Variants in NOL10 observed in about 807,000 individuals in gnomAD.
The protein encoded by NOL10 is H_NH0074G24.1.
In NOL10, 58 loss-of-function variants were observed where a neutral mutation model predicts 103.5. That is an observed-to-expected ratio of 0.56 (90% CI 0.45 to 0.70). The LOEUF is 0.70. Ranked by LOEUF, NOL10 falls within the 30% of genes least tolerant of loss-of-function variation. The pLI, the probability that NOL10 is intolerant of heterozygous loss-of-function variation, is 0.00. For missense variants in NOL10, 763 were observed against 807.3 expected (o/e 0.95, Z 0.67); for synonymous variants, 287 against 282.5 (o/e 1.02, Z -0.16).
At chr2:10,668,264 G>A (rs909160166) in intron 7 of NOL10, among the ~76,000 whole-genome samples, 4 of 151,878 alleles carry the variant, frequency 2.6e-5, no homozygotes, top group African/African-American at 9.7e-5. Flanking sequence ...TATGATAAAA[G>A]GAAACCTTTA....
At chr2:10,602,333 T>A (rs1038370687) in intron 16 of NOL10, among the ~76,000 whole-genome samples, 1 of 152,248 alleles carries the variant, frequency 6.6e-6, no homozygotes, top group Non-Finnish European at 1.5e-5. Flanking sequence ...AAGTTAATCA[T>A]TCTTTACATT....
chr2:10,672,412 T>C (rs1681009823), intron 5 of NOL10, among the ~76,000 whole-genome samples: 1 of 152,206 alleles, frequency 6.6e-6, no homozygotes, highest in African/African-American at 2.4e-5. Context: ...TTGACTTTAG[T>C]GTACTAAAGG....
chr2:10,666,788 T>C (rs910009563), intron 8 of NOL10, among the ~76,000 whole-genome samples: 2 of 152,082 alleles, frequency 1.3e-5, no homozygotes, highest in African/African-American at 2.4e-5. Context: ...TGTACACATA[T>C]GCATATTGGC....
chr2:10,672,892 C>T (rs1319194167), intron 5 of NOL10, among the ~76,000 whole-genome samples: 1 of 151,950 alleles, frequency 6.6e-6, no homozygotes, highest in Non-Finnish European at 1.5e-5. Context: ...ACTCAGGAGG[C>T]AGAGGCAGGA....
chr2:10,609,758 T>C (rs983803929), intron 13 of NOL10, among the ~76,000 whole-genome samples: 11 of 152,168 alleles, frequency 7.2e-5, no homozygotes, highest in Non-Finnish European at 1.2e-4. Context: ...TATCAGATAA[T>C]GGTGTACTCC....
intron 10 of NOL10, among the ~76,000 whole-genome samples, chr2:10,658,300 T>C (rs764526): frequency 0.2 from 31,170 of 152,176 alleles, 4,199 homozygotes; most frequent in Non-Finnish European, 0.3. Context: ...GGCTATGACT[T>C]CTTGGGAGAA....
Position 10,589,024 on chromosome 2 carries a change from C to T in NOL10, c.1844+19G>A, listed in dbSNP as rs1225650256. The T allele has an allele frequency of 6.2e-7, 1 of 1,612,306 alleles. No individual in the cohort carries two copies. Among genetic ancestry groups the T allele is most frequent in the Non-Finnish European group, 8.5e-7 (1 of 1,179,554 alleles). On this transcript the variant is annotated intron_variant, in intron 19 of 20. Transcript: ENST00000381685. ...GGCTTGGTTACATGTCAACTGTGCG[C>T]TCAGGCAGTGCTACTCACTTCATCA...
chr2:10,660,536 T>C lies in NOL10; in HGVS notation c.678-1286A>G, dbSNP rs188657403. Among the ~76,000 whole-genome samples, 174 of 152,274 alleles carry C rather than the reference T, an allele frequency of 1.1e-3. 1 individual carries two copies. Among genetic ancestry groups the C allele is most frequent in the African/African-American group, 4.0e-3 (166 of 41,550 alleles). ...TTTCACCATGTTGCCCAGGCTGGTA[T>C]TGAACTCCTGATCTCAAGTGATCTG... On this transcript the variant is annotated intron_variant, in intron 9 of 20. Transcript: ENST00000381685.
chr2:10,684,145 G>A (rs1457454753), intron 2 of NOL10, among the ~76,000 whole-genome samples: 2 of 152,026 alleles, frequency 1.3e-5, no homozygotes, highest in South Asian at 2.1e-4. Context: ...AGCCGGGCGT[G>A]GTGGCTTGTA....
chr2:10,631,810 G>A (rs1422584676), intron 13 of NOL10, among the ~76,000 whole-genome samples: 1 of 151,732 alleles, frequency 6.6e-6, no homozygotes, highest in Non-Finnish European at 1.5e-5. Context: ...TGCCTCCCAG[G>A]TTCAAGCGAT....
intron 16 of NOL10, among the ~76,000 whole-genome samples, chr2:10,601,630 G>A (rs1210237560): frequency 5.3e-5 from 8 of 152,066 alleles, no homozygotes; most frequent in Admixed American, 5.2e-4. Context: ...TGGGCAACAC[G>A]GCAAAATTCT....
chr2:10,662,997 C>G lies in NOL10; in HGVS notation c.639G>C (p.Leu213=). ...WDPRTRNRVG[L]LDCALNSVTA... is the part of the protein sequence containing the mutation. Reference sequence around the variant, plus strand: ...TGACACTGTTTAAGGCGCAGTCTAACAGGCCAACTCTGTTTCGAGTTCTTG... The same window carrying G: ...TGACACTGTTTAAGGCGCAGTCTAAGAGGCCAACTCTGTTTCGAGTTCTTG... The change falls in exon 9 of 21, where the codon CTG becomes CTC. Residue 213 remains leucine (L), a synonymous_variant. Coordinates refer to ENST00000381685, the MANE Select transcript of NOL10 (RefSeq NM_024894.4). 1 of 1,613,982 alleles carries G rather than the reference C, an allele frequency of 6.2e-7. No individual in the cohort carries two copies. The highest frequency in any genetic ancestry group is 8.5e-7 in the Non-Finnish European group (1 of 1,179,856).
intron 13 of NOL10, among the ~76,000 whole-genome samples, chr2:10,608,741 A>T (rs974138517): frequency 1.3e-5 from 2 of 152,174 alleles, no homozygotes; most frequent in African/African-American, 4.8e-5. Context: ...AAGAAAAGTA[A>T]ATGTTAGATA....
intron 13 of NOL10, among the ~76,000 whole-genome samples, chr2:10,614,966 A>G (rs1041906306): frequency 6.6e-6 from 1 of 152,242 alleles, no homozygotes; most frequent in Non-Finnish European, 1.5e-5. Context: ...TATTGTTGGA[A>G]AGGCCTCACT....
chr2:10,587,128 T>TAC (rs1241791402), intron 19 of NOL10, among the ~76,000 whole-genome samples: 2 of 27,154 alleles, frequency 7.4e-5, no homozygotes, highest in African/African-American at 1.8e-4. Context: ...TACATATATA[T>TAC]ACATATATAC....
chr2:10,584,465 T>G (rs1674923666), intron 19 of NOL10, among the ~76,000 whole-genome samples: 1 of 152,068 alleles, frequency 6.6e-6, no homozygotes, highest in African/African-American at 2.4e-5. Flanking sequence ...GACAGCTCAC[T>G]CAAGTCTCCA....
chr2:10,631,039 T>A (rs1342112047), intron 13 of NOL10, among the ~76,000 whole-genome samples: 2 of 152,218 alleles, frequency 1.3e-5, no homozygotes, highest in Non-Finnish European at 2.9e-5. Flanking sequence ...CAAAATTACA[T>A]CTGTCAGTAT....
At chr2:10,661,303 G>A (rs915765443) in intron 9 of NOL10, among the ~76,000 whole-genome samples, 6 of 151,016 alleles carry the variant, frequency 4.0e-5, no homozygotes, top group South Asian at 2.1e-4. Context: ...TCAAACTCCC[G>A]ACCTCAGGTA....
rs1679933965 is a variant in NOL10, at chr2:10,657,706, A to AT, written c.906+35dup. ...AAAGGATCATTCGGAACACCTGCAA[A>AT]TAAAGAAGCAAGTAATTTCAACCAA... is the stretch of plus-strand genomic sequence containing the variant. On this transcript the variant is annotated intron_variant, in intron 11 of 20. Transcript: ENST00000381685. 8 of 1,531,688 alleles carry AT rather than the reference A, an allele frequency of 5.2e-6. No homozygotes were observed. The Admixed American group carries it at 1.4e-4, about 27-fold the overall frequency. 94.9% of individuals were successfully genotyped at this position (1,531,688 alleles called of 1,614,324 possible).
Sources: gnomAD v4.1 joint callset for allele counts (sites outside exome capture counted in the v4.1 genomes callset) on GRCh38, gnomAD v4.1.1 for gene constraint, MANE v1.5 for transcripts, NCBI Gene and HGNC (gene_info 2026-07-23, HGNC 2026-07-21) for gene names.